Variants in SLC11A2 observed in about 807,000 individuals in gnomAD.
The protein encoded by SLC11A2 is solute carrier family 11 member 2, also known as natural resistance-associated macrophage protein 2.
Under a neutral mutation model 68.0 loss-of-function variants are expected in SLC11A2, and 38 were observed. The observed-to-expected ratio is 0.56, with a 90% CI of 0.43 to 0.73. The LOEUF (loss-of-function observed/expected upper bound fraction) is 0.73. Among genes scored for constraint, SLC11A2 ranks in the 30% least tolerant of loss-of-function variants. The pLI is 0.00. For synonymous variants in SLC11A2, 242 were observed against 250.6 expected (o/e 0.97, Z 0.32); for missense variants, 517 against 690.5 (o/e 0.75, Z 2.82).
chr12:51,007,957 A>G (rs770947657), intron 3 of SLC11A2, among the ~76,000 whole-genome samples: 5 of 152,144 alleles, frequency 3.3e-5, no homozygotes, highest in Non-Finnish European at 5.9e-5. Context: ...ACTCTTTTTC[A>G]TCAACAAACA....
At chr12:50,978,572 C>T (rs1378955374), downstream of SLC11A2, among the ~76,000 whole-genome samples, 4 of 142,518 alleles carry the variant, frequency 2.8e-5, no homozygotes, top group Admixed American at 2.2e-4. Flanking sequence ...AGCACACCAA[C>T]ATGGCACATG....
At chr12:51,001,697 G>A (rs1361573671) in intron 5 of SLC11A2, among the ~76,000 whole-genome samples, 1 of 151,388 alleles carries the variant, frequency 6.6e-6, no homozygotes, top group Non-Finnish European at 1.5e-5. Flanking sequence ...ATCCAGGCAT[G>A]ATGGCATACA....
At chr12:51,007,923 G>T (rs11169662) in intron 3 of SLC11A2, among the ~76,000 whole-genome samples, 10,834 of 152,292 alleles carry the variant, frequency 0.071, 743 homozygotes, top group East Asian at 0.28. Flanking sequence ...TTACAGGTGT[G>T]AGCCTGGGCT....
At chr12:50,961,437 T>A in the SLC11A2 span, among the ~76,000 whole-genome samples, 1 of 152,250 alleles carries the variant, frequency 6.6e-6, no homozygotes, top group African/African-American at 2.4e-5. Context: ...GTGATCCCCA[T>A]CTCATGGCTA....
At chr12:50,994,729 G>A (rs535926730) in intron 10 of SLC11A2, 99 bp from the exon 11 acceptor site, 4 of 769,990 alleles carry the variant, frequency 5.2e-6, no homozygotes, top group South Asian at 1.4e-5. Flanking sequence ...TAAGAGGTAG[G>A]CTGGAGGGAA....
chr12:50,984,545 T>C (rs945607991), downstream of SLC11A2, among the ~76,000 whole-genome samples: 50 of 152,196 alleles, frequency 3.3e-4, no homozygotes, highest in Non-Finnish European at 1.3e-4. Context: ...TAGACCACTT[T>C]CATTGGAGAT....
intron 15 of SLC11A2, among the ~76,000 whole-genome samples, chr12:50,989,758 A>G (rs534067318): frequency 6.6e-6 from 1 of 152,334 alleles, no homozygotes; most frequent in South Asian, 2.1e-4. Flanking sequence ...TAATTTTTCA[A>G]CATTTACTGA....
chr12:50,987,709 CTTTGT>C lies in SLC11A2; in HGVS notation c.*611_*615del. The C allele has an allele frequency of 7.8e-7, 1 of 1,287,122 alleles. No individual in the cohort carries two copies. The highest frequency in any genetic ancestry group is 1.0e-6 in the Non-Finnish European group (1 of 988,648). The allele number at this position is 1,287,122 out of a possible 1,614,324, so 79.7% of individuals were successfully genotyped here. A position where few individuals can be genotyped will look rare whatever the true frequency, so the allele number is the denominator to read the frequency against. ...TTGTTAGTTGTCAGTTTTTCCCCTTCTTTGTTTTCTCACCCCTCTTAACTTCCACT... is the reference window on the plus strand; with the variant it reads ...TTGTTAGTTGTCAGTTTTTCCCCTTCTTTCTCACCCCTCTTAACTTCCACT... On this transcript the variant is annotated 3_prime_UTR_variant, in exon 16 of 16. Coordinates refer to ENST00000262052, the MANE Select transcript of SLC11A2 (RefSeq NM_000617.3).
In SLC11A2 at chr12:50,987,048, C is replaced by A; in HGVS notation, c.*1277G>T. 1 of 1,286,456 alleles carries A rather than the reference C, an allele frequency of 7.8e-7. No individual in the cohort carries two copies. The allele number at this position is 1,286,456 out of a possible 1,614,324, so 79.7% of individuals were successfully genotyped here. The stretch of plus-strand genomic sequence containing the variant: ...TCAAAGTGATTTGATTTGAGATAAT[C>A]ACACAATCTCAGGCTCGGTATGTAA... On this transcript the variant is annotated 3_prime_UTR_variant, in exon 16 of 16. Coordinates refer to ENST00000262052, the MANE Select transcript of SLC11A2 (RefSeq NM_000617.3).
the SLC11A2 span, chr12:50,954,078 C>G: frequency 6.8e-6 from 11 of 1,607,624 alleles, no homozygotes; most frequent in African/African-American, 8.0e-5. Flanking sequence ...AGAGACTCCC[C>G]CTTTGTCCCT....
downstream of SLC11A2, among the ~76,000 whole-genome samples, chr12:50,983,578 C>T (rs973044310): frequency 2.0e-5 from 3 of 152,130 alleles, no homozygotes; most frequent in Admixed American, 6.6e-5. Context: ...TGGCTCACAC[C>T]TGTAATCCCA....
chr12:50,955,218 G>A, the SLC11A2 span, among the ~76,000 whole-genome samples: 2 of 152,058 alleles, frequency 1.3e-5, no homozygotes, highest in Non-Finnish European at 2.9e-5. Context: ...ACTTGAACCC[G>A]GGAGGTAGAG....
intron 15 of SLC11A2, among the ~76,000 whole-genome samples, chr12:50,990,307 G>A (rs1215558592): frequency 2.0e-5 from 3 of 152,140 alleles, no homozygotes; most frequent in African/African-American, 7.2e-5. Flanking sequence ...CACACTGCAT[G>A]CCCTATTCTC....
At chr12:50,994,834 A>G in intron 10 of SLC11A2, 1 of 576,210 alleles carries the variant, frequency 1.7e-6, no homozygotes, top group Non-Finnish European at 3.1e-6. Flanking sequence ...GGTCATCAAA[A>G]ATCTTTACTG....
At position 50,987,456 on chromosome 12, in the gene SLC11A2, C is replaced by T. The variant is rs111817978; in HGVS notation, c.*869G>A. 12 of 1,287,158 alleles carry T rather than the reference C, an allele frequency of 9.3e-6. No individual in the cohort carries two copies. Among genetic ancestry groups the T allele is most frequent in the South Asian group, 6.2e-5 (5 of 80,934 alleles). The allele number at this position is 1,287,158 out of a possible 1,614,324, so 79.7% of individuals were successfully genotyped here. On this transcript the variant is annotated 3_prime_UTR_variant, in exon 16 of 16. Transcript: ENST00000262052. ...TTTTCTCCCCACCCTCAACATTTCA[C>T]GAGAACATCAGTTCATAAATACTAC...
chr12:51,003,332 G>A (rs1276760050), intron 5 of SLC11A2, among the ~76,000 whole-genome samples: 2 of 152,002 alleles, frequency 1.3e-5, no homozygotes, highest in Non-Finnish European at 2.9e-5. Context: ...AAGGCCAGGA[G>A]TTCAAGACCA....
chr12:50,983,832 G>C (rs1247767479), downstream of SLC11A2, among the ~76,000 whole-genome samples: 1 of 152,118 alleles, frequency 6.6e-6, no homozygotes, highest in South Asian at 2.1e-4. Context: ...GCTGGCCTTA[G>C]TGGTGTGTGC....
chr12:51,011,788 C>T (rs1943257372), intron 1 of SLC11A2, among the ~76,000 whole-genome samples: 1 of 151,548 alleles, frequency 6.6e-6, no homozygotes, highest in South Asian at 2.1e-4. Context: ...GTCTCAAAGT[C>T]CTGACCTCAT....
At chr12:50,956,701 A>G in the SLC11A2 span, among the ~76,000 whole-genome samples, 15 of 151,998 alleles carry the variant, frequency 9.9e-5, no homozygotes, top group Non-Finnish European at 2.2e-4. Flanking sequence ...AATACTCCCT[A>G]TTCTTATTTA....
Sources: gnomAD v4.1 joint callset for allele counts (sites outside exome capture counted in the v4.1 genomes callset) on GRCh38, gnomAD v4.1.1 for gene constraint, MANE v1.5 for transcripts, NCBI Gene and HGNC (gene_info 2026-07-23, HGNC 2026-07-21) for gene names.